Variants in CNPY1 observed in about 807,000 individuals in gnomAD.
The protein encoded by CNPY1 is protein canopy homolog 1.
In CNPY1, 14 loss-of-function variants were observed where a neutral mutation model predicts 14.4. The observed-to-expected ratio is 0.97, with a 90% CI of 0.64 to 1.52. The LOEUF is 1.52. CNPY1 is among the 40% of genes most tolerant of loss of function. The probability of loss-of-function intolerance (pLI) is 0.00; values close to 1 mark genes in which losing one functional copy is unlikely to be tolerated. For synonymous variants in CNPY1, 43 were observed against 46.5 expected (o/e 0.92, Z 0.31); for missense variants, 129 against 131.5 (o/e 0.98, Z 0.09).
At chr7:155,516,259 T>C (rs1000102610) in intron 2 of CNPY1, among the ~76,000 whole-genome samples, 50 of 152,004 alleles carry the variant, frequency 3.3e-4, no homozygotes, top group African/African-American at 1.2e-3. Context: ...TTCCCAAGAG[T>C]TCTGAATGAT....
intron 2 of CNPY1, among the ~76,000 whole-genome samples, chr7:155,542,894 C>A (rs1161914026): frequency 6.6e-6 from 1 of 152,232 alleles, no homozygotes; most frequent in Non-Finnish European, 1.5e-5. Context: ...CTCCCAGACC[C>A]ACCCCCGCCC....
intron 2 of CNPY1, among the ~76,000 whole-genome samples, chr7:155,542,148 A>G (rs1797091820): frequency 1.3e-5 from 2 of 150,572 alleles, no homozygotes; most frequent in Admixed American, 1.3e-4. Context: ...AGGGCCTGAG[A>G]GCTGATTCCC....
intron 2 of CNPY1, among the ~76,000 whole-genome samples, chr7:155,534,866 C>G (rs1332641704): frequency 6.6e-6 from 1 of 152,336 alleles, no homozygotes; most frequent in Non-Finnish European, 1.5e-5. Flanking sequence ...GGAGTCAGAG[C>G]TCAGCCTCTG....
chr7:155,507,137 C>T (rs775030259), intron 3 of CNPY1, 21 bp from the exon 4 acceptor site: 79 of 1,462,272 alleles, frequency 5.4e-5, no homozygotes, highest in Non-Finnish European at 7.5e-5. Context: ...ATAATAACAA[C>T]ATATGTGGAT....
At position 155,536,637 on chromosome 7, in the gene CNPY1, C is replaced by T. The variant is rs1797025427; in HGVS notation, c.99+9194G>A. Reference sequence around the variant, plus strand: ...AACATTTCCCACAGAATCCTCCATGCTCTCTCTCCCCATCCACCTGCTGGA... The same window carrying T: ...AACATTTCCCACAGAATCCTCCATGTTCTCTCTCCCCATCCACCTGCTGGA... On this transcript the variant is annotated intron_variant, in intron 2 of 4. Transcript: ENST00000636446. The surrounding 1 kb of genome is among the most constrained non-coding windows in gnomAD (Gnocchi z 4.1). 1.3e-5 allele frequency among the ~76,000 whole-genome samples: 2 copies of T among 152,182 alleles called. No homozygotes were observed. The highest frequency in any genetic ancestry group is 4.8e-5 in the African/African-American group (2 of 41,450).
At chr7:155,528,859 G>A (rs2116734215) in intron 2 of CNPY1, among the ~76,000 whole-genome samples, 1 of 152,264 alleles carries the variant, frequency 6.6e-6, no homozygotes, top group East Asian at 1.9e-4. Flanking sequence ...AGGAGATCAA[G>A]ACCATCCTGG....
At chr7:155,505,621 G>A (rs1796279037) in intron 4 of CNPY1, among the ~76,000 whole-genome samples, 1 of 152,196 alleles carries the variant, frequency 6.6e-6, no homozygotes, top group Non-Finnish European at 1.5e-5. Flanking sequence ...GAGCATCTGA[G>A]AGAGGGCCCA....
chr7:155,532,664 T>C (rs927455398), intron 2 of CNPY1, among the ~76,000 whole-genome samples: 4 of 151,960 alleles, frequency 2.6e-5, no homozygotes, highest in Non-Finnish European at 5.9e-5. Context: ...CTATATTTTA[T>C]GGTTCCTACC....
intron 2 of CNPY1, among the ~76,000 whole-genome samples, chr7:155,520,281 G>C (rs1451029035): frequency 6.6e-6 from 1 of 152,162 alleles, no homozygotes; most frequent in Non-Finnish European, 1.5e-5. Context: ...TCTCCACTTG[G>C]AGGCGAGAGC....
At chr7:155,531,901 C>T (rs1230369100) in intron 2 of CNPY1, among the ~76,000 whole-genome samples, 2 of 152,200 alleles carry the variant, frequency 1.3e-5, no homozygotes, top group African/African-American at 4.8e-5. Context: ...CACTGTCAGC[C>T]CGGAAGCAAC....
intron 2 of CNPY1, among the ~76,000 whole-genome samples, chr7:155,531,830 G>A (rs980082779): frequency 6.6e-6 from 1 of 152,310 alleles, no homozygotes; most frequent in African/African-American, 2.4e-5. Context: ...CTCAGAAGTG[G>A]AGAAAAGGCT....
At chr7:155,532,602 G>C (rs1008284273) in intron 2 of CNPY1, among the ~76,000 whole-genome samples, 6 of 150,828 alleles carry the variant, frequency 4.0e-5, no homozygotes, top group Non-Finnish European at 5.9e-5. Context: ...GCCTGGGCGA[G>C]AGTGCGAGAC....
At chr7:155,537,991 G>T (rs1015141440) in intron 2 of CNPY1, among the ~76,000 whole-genome samples, 1 of 152,226 alleles carries the variant, frequency 6.6e-6, no homozygotes, top group African/African-American at 2.4e-5. Context: ...TTGTCTCAGT[G>T]TATTTCCTGA....
chr7:155,539,812 C>T (rs371932371), intron 2 of CNPY1, among the ~76,000 whole-genome samples: 1 of 152,146 alleles, frequency 6.6e-6, no homozygotes, highest in Non-Finnish European at 1.5e-5. Flanking sequence ...GAAGTGGGGG[C>T]CCGTGGGCCA....
chr7:155,542,655 C>T (rs978779399), intron 2 of CNPY1, among the ~76,000 whole-genome samples: 34 of 152,230 alleles, frequency 2.2e-4, no homozygotes, highest in Non-Finnish European at 5.9e-5. Context: ...CCCCAAGACC[C>T]TCCCGCTGCT....
intron 2 of CNPY1, among the ~76,000 whole-genome samples, chr7:155,542,829 AG>A (rs1797101981): frequency 6.6e-6 from 1 of 152,204 alleles, no homozygotes; most frequent in Admixed American, 6.5e-5. Context: ...CTTCTAAGCA[AG>A]GGAGGCCTGG....
rs111528356 is a variant in CNPY1, at chr7:155,534,377, G to A, written c.99+11454C>T. On this transcript the variant is annotated intron_variant, in intron 2 of 4. Transcript: ENST00000636446. ...CACACGTGCACACAGGCACACACAC[G>A]CATGCATAGACACACATGCACGTGT... Among the ~76,000 whole-genome samples, 1,288 of 151,908 alleles carry A rather than the reference G, an allele frequency of 8.5e-3. 20 individuals carry two copies. The highest frequency in any genetic ancestry group is 0.029 in the African/African-American group (1,219 of 41,424).
chr7:155,506,602 A>G, intron 4 of CNPY1: 1 of 157,988 alleles, frequency 6.3e-6, no homozygotes, highest in Non-Finnish European at 1.4e-5. Flanking sequence ...AGTTCTTACA[A>G]AATAAAAATC....
At chr7:155,546,147 G>C (rs1243454992) in intron 1 of CNPY1, among the ~76,000 whole-genome samples, 2 of 151,766 alleles carry the variant, frequency 1.3e-5, no homozygotes, top group African/African-American at 4.8e-5. Flanking sequence ...TTTGTACTTT[G>C]TGTTTTCAAA....
Sources: allele counts gnomAD v4.1 joint callset (sites outside exome capture counted in the v4.1 genomes callset), GRCh38; gene constraint gnomAD v4.1.1; non-coding constraint Gnocchi (gnomAD v3.1); transcripts MANE v1.5; gene names NCBI Gene and HGNC (gene_info 2026-07-23, HGNC 2026-07-21).